NDUFAF4: variants seen among roughly 807,000 people sequenced by gnomAD.
NDUFAF4 encodes the protein NADH:ubiquinone oxidoreductase complex assembly factor 4, also known as NADH dehydrogenase [ubiquinone] 1 alpha subcomplex assembly factor 4.
In NDUFAF4, 10 loss-of-function variants were observed where a neutral mutation model predicts 15.6. The observed-to-expected ratio is 0.64, with a 90% CI of 0.40 to 1.09. NDUFAF4 has a LOEUF of 1.09. NDUFAF4 is among the 50% of genes least tolerant of loss of function. The pLI is 0.01. For missense variants in NDUFAF4, 203 were observed against 207.3 expected (o/e 0.98, Z 0.13); for synonymous variants, 77 against 73.3 (o/e 1.05, Z -0.26).
chr6:96,897,631 G>A (rs776618475), intron 1 of NDUFAF4, 35 bp downstream of exon 1: 3 of 1,611,718 alleles, frequency 1.9e-6, no homozygotes, highest in East Asian at 2.2e-5. Flanking sequence ...GGGACTCCGC[G>A]CCCCCGGGCC....
chr6:96,896,758 C>A lies in NDUFAF4; in HGVS notation c.226G>T (p.Val76Leu). Residue 76 changes from valine (V) to leucine (L), a missense_variant, in exon 2 of 3, where the codon GTG becomes TTG. Physicochemically the swap from Val to Leu is conservative, Grantham distance 32. Transcript: ENST00000316149. Reference sequence around the variant, plus strand: ...CACACATTTACCTGCAAGGAAGACACAGGATCTTTGGAATCAACATACACA... The same window carrying A: ...CACACATTTACCTGCAAGGAAGACAAAGGATCTTTGGAATCAACATACACA... ...KDVYVDSKDP[V>L]SSLQVKAAET... is the part of the protein sequence containing the mutation. The A allele has an allele frequency of 6.2e-7, 1 of 1,611,830 alleles. No individual in the cohort carries two copies. The highest frequency in any genetic ancestry group is 1.1e-5 in the South Asian group (1 of 91,014).
intron 2 of NDUFAF4, among the ~76,000 whole-genome samples, chr6:96,891,861 C>T (rs1775321312): frequency 1.3e-5 from 2 of 151,982 alleles, no homozygotes; most frequent in South Asian, 4.1e-4. Context: ...TACATCAGTG[C>T]AAGAATGGAT....
In NDUFAF4 at chr6:96,890,369, C is replaced by T. The variant is rs1250756601; in HGVS notation, c.*735G>A. The T allele has an allele frequency of 3.9e-5, 6 of 152,096 alleles. No individual in the cohort carries two copies. The East Asian group carries it at 9.6e-4, about 24-fold the overall frequency. The allele number at this position is 152,096 out of a possible 1,614,324, so 9.4% of individuals were successfully genotyped here. On this transcript the variant is annotated 3_prime_UTR_variant, in exon 3 of 3. Transcript: ENST00000316149. ...AATGTTACTTTTTTGAAAGTTTCTGCTTCCTGCCTCTCTGAAGGCCATGGG... is the reference window on the plus strand; with the variant it reads ...AATGTTACTTTTTTGAAAGTTTCTGTTTCCTGCCTCTCTGAAGGCCATGGG...
At position 96,897,705 on chromosome 6, in the gene NDUFAF4, G is replaced by A. The variant is rs1775406104; in HGVS notation, c.97C>T (p.His33Tyr). The change falls in exon 1 of 3, where the codon CAC becomes TAC. Residue 33 changes from histidine (H) to tyrosine (Y), a missense_variant. His to Tyr is a moderately conservative substitution (Grantham distance 83). Coordinates refer to ENST00000316149, the MANE Select transcript of NDUFAF4 (RefSeq NM_014165.4). ...CGCAGGAGGCTGTTGGTAGAGGGGT[G>A]TCTGGGAGCGACAGAGGGCTTCATC... ...SKMKPSVAPR[H>Y]PSTNSLLREQ... 1 of 1,614,208 alleles carries A rather than the reference G, an allele frequency of 6.2e-7. No homozygotes were observed. Among genetic ancestry groups the A allele is most frequent in the Non-Finnish European group, 8.5e-7 (1 of 1,180,010 alleles).
intron 2 of NDUFAF4, among the ~76,000 whole-genome samples, chr6:96,892,507 C>T (rs923276150): frequency 1.3e-5 from 2 of 152,118 alleles, no homozygotes; most frequent in African/African-American, 4.8e-5. Flanking sequence ...TCTTTTATGA[C>T]CAGTTTCCTT....
Position 96,897,714 on chromosome 6 carries a change from C to T in NDUFAF4, c.88G>A (p.Ala30Thr), listed in dbSNP as rs780583714. ...REISKMKPSV[A>T]PRHPSTNSLL... Reference sequence around the variant, plus strand: ...CTGTTGGTAGAGGGGTGTCTGGGAGCGACAGAGGGCTTCATCTTGCTGATT... The same window carrying T: ...CTGTTGGTAGAGGGGTGTCTGGGAGTGACAGAGGGCTTCATCTTGCTGATT... Residue 30 changes from alanine to threonine, a missense_variant, in exon 1 of 3, where the codon GCT becomes ACT. Coordinates refer to ENST00000316149, the MANE Select transcript of NDUFAF4 (RefSeq NM_014165.4). 5 of 1,614,046 alleles carry T rather than the reference C, an allele frequency of 3.1e-6. No homozygotes were observed. Among genetic ancestry groups the T allele is most frequent in the Non-Finnish European group, 4.2e-6 (5 of 1,180,010 alleles).
chr6:96,896,958 G>C (rs1325736617), intron 1 of NDUFAF4, 111 bp from the exon 2 acceptor site: 5 of 826,256 alleles, frequency 6.1e-6, no homozygotes, highest in Non-Finnish European at 1.0e-5. Context: ...TCGGAGTCTC[G>C]CTCTGTTGCC....
At chr6:96,894,258 T>C (rs918506767) in intron 2 of NDUFAF4, among the ~76,000 whole-genome samples, 2 of 152,228 alleles carry the variant, frequency 1.3e-5, no homozygotes, top group Non-Finnish European at 2.9e-5. Flanking sequence ...ATCCATGCTG[T>C]ACAGGCTACC....
At chr6:96,897,465 C>T (rs1192809588) in intron 1 of NDUFAF4, among the ~76,000 whole-genome samples, 6 of 152,182 alleles carry the variant, frequency 3.9e-5, no homozygotes, top group Non-Finnish European at 7.3e-5. Context: ...GTAGGCGGGG[C>T]CGCCGACCTC....
chr6:96,897,141 T>A (rs1351341507), intron 1 of NDUFAF4, among the ~76,000 whole-genome samples: 1 of 152,144 alleles, frequency 6.6e-6, no homozygotes, highest in Non-Finnish European at 1.5e-5. Flanking sequence ...GCCAGGCTGG[T>A]CTCGAACTCC....
chr6:96,892,850 A>G (rs1284594457), intron 2 of NDUFAF4, among the ~76,000 whole-genome samples: 1 of 152,058 alleles, frequency 6.6e-6, no homozygotes, highest in Non-Finnish European at 1.5e-5. Flanking sequence ...GTAATCCCAC[A>G]CACTCCTCTA....
In NDUFAF4 at chr6:96,896,729, T is replaced by G. The variant is rs1218951903; in HGVS notation, c.240+15A>C. The G allele has an allele frequency of 1.7e-5, 27 of 1,583,744 alleles. No individual in the cohort carries two copies. In the East Asian group the frequency reaches 5.8e-4, roughly 34 times the overall value. ...TAAGTAAATTGTGTATTCACTTAAT[T>G]AAACACACATTTACCTGCAAGGAAG... On this transcript the variant is annotated intron_variant, in intron 2 of 2. Transcript: ENST00000316149.
In NDUFAF4 at chr6:96,897,736, G is replaced by A. The variant is rs773237522; in HGVS notation, c.66C>T (p.Ile22=). ...GAGCGACAGAGGGCTTCATCTTGCT[G>A]ATTTCCCGTTCCGCTCGGTTCTCTA... ...FNLENRAERE[I]SKMKPSVAPR... The change falls in exon 1 of 3, where the codon ATC becomes ATT. Residue 22 remains isoleucine (I), a synonymous_variant. Transcript: ENST00000316149. The A allele has an allele frequency of 5.6e-6, 9 of 1,614,192 alleles. No homozygotes were observed. The highest frequency in any genetic ancestry group is 7.6e-6 in the Non-Finnish European group (9 of 1,180,016).
At chr6:96,893,853 TGGAA>T (rs922301945) in intron 2 of NDUFAF4, among the ~76,000 whole-genome samples, 4 of 152,142 alleles carry the variant, frequency 2.6e-5, no homozygotes, top group South Asian at 2.1e-4. Context: ...AGACATCCTG[TGGAA>T]GGAAGGAACA....
chr6:96,891,098 T>C lies in NDUFAF4; in HGVS notation c.*6A>G, dbSNP rs1045167698. 20 of 1,611,476 alleles carry C rather than the reference T, an allele frequency of 1.2e-5. No individual in the cohort carries two copies. Among genetic ancestry groups the C allele is most frequent in the Non-Finnish European group, 1.6e-5 (19 of 1,179,192 alleles). On this transcript the variant is annotated 3_prime_UTR_variant, in exon 3 of 3. Transcript: ENST00000316149. ...GAGTACACATAGGAAATTTCTGTGA[T>C]TTTCTTCATTTTGATCGTATTGCTT... is the stretch of plus-strand genomic sequence containing the variant.
Position 96,891,044 on chromosome 6 carries a change from A to G in NDUFAF4, c.*60T>C. The G allele has an allele frequency of 1.3e-6, 2 of 1,483,208 alleles. No individual in the cohort carries two copies. Among genetic ancestry groups the G allele is most frequent in the Non-Finnish European group, 9.3e-7 (1 of 1,075,468 alleles). 91.9% of individuals were successfully genotyped at this position (1,483,208 alleles called of 1,614,324 possible). ...ATTAACATAATTTATTACGCAAAAA[A>G]TGAGAAAATATACAGCAGGAGGGAT... On this transcript the variant is annotated 3_prime_UTR_variant, in exon 3 of 3. Coordinates refer to ENST00000316149, the MANE Select transcript of NDUFAF4 (RefSeq NM_014165.4).
Position 96,897,754 on chromosome 6 carries a change from G to C in NDUFAF4, c.48C>G (p.Asn16Lys), listed in dbSNP as rs1003544056. The C allele has an allele frequency of 5.6e-6, 9 of 1,614,190 alleles. No homozygotes were observed. In the South Asian group the frequency reaches 9.9e-5, roughly 18 times the overall value. ...IRGIRNFNLE[N>K]RAEREISKMK... is the part of the protein sequence containing the mutation. Reference sequence around the variant, plus strand: ...TCTTGCTGATTTCCCGTTCCGCTCGGTTCTCTAGGTTGAAATTCCTGATAC... The same window carrying C: ...TCTTGCTGATTTCCCGTTCCGCTCGCTTCTCTAGGTTGAAATTCCTGATAC... Residue 16 changes from asparagine to lysine, a missense_variant, in exon 1 of 3, where the codon AAC (asparagine) becomes AAG (lysine). By Grantham distance (94) the Asn-to-Lys change is moderately conservative. Transcript: ENST00000316149.
Position 96,897,884 on chromosome 6 carries a change from G to T in NDUFAF4, c.-83C>A. 6.2e-7 allele frequency: 1 copy of T among 1,603,558 alleles called. No individual in the cohort carries two copies. Among genetic ancestry groups the T allele is most frequent in the Non-Finnish European group, 8.5e-7 (1 of 1,173,174 alleles). ...CAACTCCGGGACACCCGGAGCATGC[G>T]CACAAGTGAGGGGAAGCCCCGCCGC... On this transcript the variant is annotated 5_prime_UTR_variant, in exon 1 of 3. Transcript: ENST00000316149.
Position 96,890,810 on chromosome 6 carries a change from A to C in NDUFAF4, c.*294T>G, listed in dbSNP as rs555318888. The C allele has an allele frequency of 2.3e-3, 676 of 293,978 alleles. 1 individual carries two copies. Among genetic ancestry groups the C allele is most frequent in the Non-Finnish European group, 2.9e-3 (450 of 156,466 alleles). 18.2% of individuals were successfully genotyped at this position (293,978 alleles called of 1,614,324 possible). ...CCAAGGGGTAATATGACCAATTTAA[A>C]AGTTGGTATATGTGCCTAAAATAAC... is the stretch of plus-strand genomic sequence containing the variant. On this transcript the variant is annotated 3_prime_UTR_variant, in exon 3 of 3. Coordinates refer to ENST00000316149, the MANE Select transcript of NDUFAF4 (RefSeq NM_014165.4).
Sources: allele counts gnomAD v4.1 joint callset (sites outside exome capture counted in the v4.1 genomes callset), GRCh38; gene constraint gnomAD v4.1.1; transcripts MANE v1.5; gene names NCBI Gene and HGNC (gene_info 2026-07-23, HGNC 2026-07-21).